The following PARM1 variants were observed in gnomAD, a reference collection of about 807,000 sequenced individuals.
PARM1 encodes the protein WSC4, cell wall integrity and stress response component 4 homolog.
In PARM1, 14 loss-of-function variants were observed where a neutral mutation model predicts 24.6. That is an observed-to-expected ratio of 0.57 (90% confidence interval 0.38 to 0.89). The LOEUF (loss-of-function observed/expected upper bound fraction) is 0.89, where lower values mean the gene tolerates loss of function less well. Ranked by LOEUF, PARM1 falls within the 40% of genes least tolerant of loss-of-function variation. PARM1 has a pLI of 0.00. For missense variants in PARM1, 362 were observed against 380.4 expected (o/e 0.95, Z 0.40); for synonymous variants, 179 against 156.6 (o/e 1.14, Z -1.07).
At chr4:74,949,851 T>C (rs1358228591) in intron 1 of PARM1, among the ~76,000 whole-genome samples, 6 of 151,132 alleles carry the variant, frequency 4.0e-5, no homozygotes, top group South Asian at 2.1e-4. Flanking sequence ...TTTTTTTTTT[T>C]CAACATAATC....
At chr4:74,973,127 C>T (rs1289741998) in intron 1 of PARM1, among the ~76,000 whole-genome samples, 3 of 152,118 alleles carry the variant, frequency 2.0e-5, no homozygotes, top group Non-Finnish European at 4.4e-5. Flanking sequence ...ACTCCTCTTT[C>T]CCATGTCCAC....
chr4:75,000,004 G>A (rs1012035271), intron 1 of PARM1, among the ~76,000 whole-genome samples: 3 of 152,036 alleles, frequency 2.0e-5, no homozygotes, highest in Non-Finnish European at 4.4e-5. Flanking sequence ...CAGCAGCTTG[G>A]CTTTCCTGGG....
chr4:75,044,058 A>AT (rs1430645775), intron 3 of PARM1, among the ~76,000 whole-genome samples: 1 of 152,080 alleles, frequency 6.6e-6, no homozygotes, highest in Non-Finnish European at 1.5e-5. Flanking sequence ...AAAAAAAAAA[A>AT]AATTGTCTTT....
intron 1 of PARM1, among the ~76,000 whole-genome samples, chr4:74,997,234 A>G (rs1722591124): frequency 6.6e-6 from 1 of 152,140 alleles, no homozygotes; most frequent in Non-Finnish European, 1.5e-5. Flanking sequence ...CTACCAAGGG[A>G]CATGTTGGCA....
chr4:75,008,990 G>A (rs1722821485), intron 1 of PARM1, among the ~76,000 whole-genome samples: 1 of 151,702 alleles, frequency 6.6e-6, no homozygotes, highest in Admixed American at 6.6e-5. Flanking sequence ...AAGCCAGTAA[G>A]CTCCAAAGGT....
At chr4:74,971,903 G>GA (rs1338280848) in intron 1 of PARM1, among the ~76,000 whole-genome samples, 1 of 152,194 alleles carries the variant, frequency 6.6e-6, no homozygotes, top group Non-Finnish European at 1.5e-5. Context: ...CTGCAGCACT[G>GA]ATTAGCTGGA....
intron 3 of PARM1, among the ~76,000 whole-genome samples, chr4:75,045,603 A>G (rs749812981): frequency 5.9e-5 from 9 of 152,218 alleles, no homozygotes; most frequent in Admixed American, 4.6e-4. Flanking sequence ...GGGCACTTCA[A>G]TTAACATCTC....
intron 1 of PARM1, among the ~76,000 whole-genome samples, chr4:74,945,392 G>C (rs1721393898): frequency 6.6e-6 from 1 of 152,170 alleles, no homozygotes; most frequent in African/African-American, 2.4e-5. Flanking sequence ...GTGACTGCTA[G>C]ATGGCTATTT....
rs200401414 is a variant in PARM1 at position 75,012,719 on chromosome 4, G to A, written c.338G>A (p.Ser113Asn). The A allele has an allele frequency of 2.2e-4, 363 of 1,613,866 alleles. 1 individual carries two copies. In the East Asian group the frequency reaches 5.8e-3, roughly 26 times the overall value. Residue 113 changes from serine to asparagine, a missense_variant, in exon 2 of 4, where the codon AGC (serine) becomes AAC (asparagine). Coordinates refer to ENST00000307428, the MANE Select transcript of PARM1 (RefSeq NM_015393.4). Reference protein sequence around the residue: ...DPSPSGFSSTSGGVHLTTTLE... With the variant: ...DPSPSGFSSTNGGVHLTTTLE... Reference sequence around the variant, plus strand: ...TCACCTTCTGGGTTCTCGTCAACAAGCGGTGGAGTCCACTTAACAACCACG... The same window carrying A: ...TCACCTTCTGGGTTCTCGTCAACAAACGGTGGAGTCCACTTAACAACCACG...
chr4:74,951,677 A>C (rs1721525903), intron 1 of PARM1, among the ~76,000 whole-genome samples: 1 of 152,090 alleles, frequency 6.6e-6, no homozygotes, highest in Non-Finnish European at 1.5e-5. Context: ...ACGAGTGAGA[A>C]TACGCGGTGT....
intron 3 of PARM1, among the ~76,000 whole-genome samples, chr4:75,036,540 TG>T (rs1222360131): frequency 3.3e-5 from 5 of 152,112 alleles, no homozygotes; most frequent in Non-Finnish European, 7.4e-5. Flanking sequence ...ATCATCAAAG[TG>T]GTAGACTGGA....
intron 1 of PARM1, among the ~76,000 whole-genome samples, chr4:74,961,554 A>G (rs147032966): frequency 6.6e-6 from 1 of 152,334 alleles, no homozygotes; most frequent in African/African-American, 2.4e-5. Flanking sequence ...GAATCTTGAA[A>G]GCAGCAAGGG....
chr4:74,946,744 TG>T (rs1333121527), intron 1 of PARM1, among the ~76,000 whole-genome samples: 1 of 152,196 alleles, frequency 6.6e-6, no homozygotes, highest in East Asian at 1.9e-4. Context: ...TGATTATAAT[TG>T]TAATAGTTTG....
At chr4:74,948,297 C>T (rs977434413) in intron 1 of PARM1, among the ~76,000 whole-genome samples, 1 of 152,214 alleles carries the variant, frequency 6.6e-6, no homozygotes, top group African/African-American at 2.4e-5. Context: ...GGTCTCACAG[C>T]TAGTTAGTGA....
At chr4:74,998,903 T>C (rs1305934223) in intron 1 of PARM1, among the ~76,000 whole-genome samples, 3 of 152,220 alleles carry the variant, frequency 2.0e-5, no homozygotes, top group African/African-American at 4.8e-5. Flanking sequence ...CTGGAGTCTC[T>C]GGTGATAAGT....
rs1359971468 is a variant in PARM1 at position 75,013,141 on chromosome 4, T to C, written c.760T>C (p.Leu254=). Residue 254 remains leucine (L), a synonymous_variant, in exon 2 of 4, where the codon TTA becomes CTA. Coordinates refer to ENST00000307428, the MANE Select transcript of PARM1 (RefSeq NM_015393.4). The part of the protein sequence containing the change: ...RVIMQEVEHA[L]SSGSIAAITV... ...GATCATGCAGGAAGTAGAACATGCA[T>C]TAAGTTCAGGTGAGTCTCTATCCAG... 1 of 1,611,886 alleles carries C rather than the reference T, an allele frequency of 6.2e-7. No homozygotes were observed. Among genetic ancestry groups the C allele is most frequent in the Non-Finnish European group, 8.5e-7 (1 of 1,179,040 alleles).
intron 1 of PARM1, among the ~76,000 whole-genome samples, chr4:74,941,370 G>A (rs936641953): frequency 6.6e-6 from 1 of 152,094 alleles, no homozygotes; most frequent in Non-Finnish European, 1.5e-5. Flanking sequence ...CAGTAGGCAG[G>A]GACAGTGGCT....
rs117972553 is a variant in PARM1, at chr4:74,980,083, T to C, written c.44-32342T>C. Among the ~76,000 whole-genome samples, 431 of 152,276 alleles carry C rather than the reference T, an allele frequency of 2.8e-3. 14 individuals carry two copies. The East Asian group carries it at 0.045, about 16-fold the overall frequency. Reference sequence around the variant, plus strand: ...AAGACAAAATGCCTTCTCTCACCACTTCTATTCAACATAGTGTTGGATTTT... The same window carrying C: ...AAGACAAAATGCCTTCTCTCACCACCTCTATTCAACATAGTGTTGGATTTT... On this transcript the variant is annotated intron_variant, in intron 1 of 3. Transcript: ENST00000307428.
intron 2 of PARM1, among the ~76,000 whole-genome samples, chr4:75,017,425 A>C (rs1723009448): frequency 6.6e-6 from 1 of 152,112 alleles, no homozygotes. Flanking sequence ...GGGATTTTGC[A>C]GTTACCATCC....
Sources: allele counts gnomAD v4.1 joint callset (sites outside exome capture counted in the v4.1 genomes callset), GRCh38; gene constraint gnomAD v4.1.1; transcripts MANE v1.5; gene names NCBI Gene and HGNC (gene_info 2026-07-23, HGNC 2026-07-21).